The following CDH22 variants were observed in gnomAD, a reference collection of about 807,000 sequenced individuals.
CDH22 encodes the protein cadherin 22.
CDH22 carries 30 observed loss-of-function variants against 58.4 expected under a neutral mutation model. The ratio of observed to expected loss-of-function variants is 0.51; its 90% CI spans 0.38 to 0.70. The LOEUF (loss-of-function observed/expected upper bound fraction) is 0.70. CDH22 is among the 30% of genes least tolerant of loss of function. CDH22 has a pLI of 0.00. For missense variants in CDH22, 1,014 were observed against 1,233.9 expected, an observed-to-expected ratio of 0.82 and a Z score of 2.67; for synonymous variants, 513 against 558.2, an observed-to-expected ratio of 0.92 and a Z score of 1.14.
chr20:46,179,572 T>C (rs559179183), intron 10 of CDH22, among the ~76,000 whole-genome samples: 2 of 152,316 alleles, frequency 1.3e-5, no homozygotes, highest in Admixed American at 1.3e-4. Context: ...GCCGGGAACA[T>C]GAGGGTTCAT....
At chr20:46,221,837 A>G (rs2086128636) in intron 4 of CDH22, among the ~76,000 whole-genome samples, 1 of 152,200 alleles carries the variant, frequency 6.6e-6, no homozygotes, top group Non-Finnish European at 1.5e-5. Flanking sequence ...AGGGGTACAA[A>G]TATTCCAAAA....
intron 1 of CDH22, among the ~76,000 whole-genome samples, chr20:46,297,113 G>T (rs527680184): frequency 1.8e-4 from 28 of 152,298 alleles, no homozygotes; most frequent in African/African-American, 6.7e-4. Flanking sequence ...CTGGCTGATT[G>T]TGCCCCGCGG....
intron 7 of CDH22, among the ~76,000 whole-genome samples, chr20:46,208,268 A>G (rs558879104): frequency 6.6e-6 from 1 of 152,074 alleles, no homozygotes; most frequent in Admixed American, 6.5e-5. Context: ...TCCCTCTTCT[A>G]TCTGAACATC....
rs541793819 is a variant in CDH22 at position 46,218,025 on chromosome 20, G to T, written c.671-1032C>A. 2.6e-5 allele frequency among the ~76,000 whole-genome samples: 4 copies of T among 152,022 alleles called. No individual in the cohort carries two copies. The East Asian group carries it at 7.7e-4, about 29-fold the overall frequency. ...CACTGCAACCTCCTCCCGGGTTCAA[G>T]CAACTCTCCTGCCTCAGCCTCCTGA... On this transcript the variant is annotated intron_variant, in intron 4 of 11. Transcript: ENST00000537909.
At chr20:46,178,837 T>G (rs561862415) in intron 10 of CDH22, among the ~76,000 whole-genome samples, 1 of 151,958 alleles carries the variant, frequency 6.6e-6, no homozygotes, top group African/African-American at 2.4e-5. Flanking sequence ...TGACAAGGAG[T>G]CTCTGCCTAA....
intron 1 of CDH22, among the ~76,000 whole-genome samples, chr20:46,290,470 T>C (rs2086596116): frequency 1.3e-5 from 2 of 152,136 alleles, no homozygotes; most frequent in African/African-American, 4.8e-5. Context: ...AGAGCTGAGG[T>C]TGAGAAACCC....
At position 46,280,573 on chromosome 20, in the gene CDH22, A is replaced by G. The variant is rs551405542; in HGVS notation, c.-400+27682T>C. ...ACAGTCCCATCTGAACCGGCCCTAAAGACCTCAGCCTATGGTCTGGGGGCT... is the reference window on the plus strand; with the variant it reads ...ACAGTCCCATCTGAACCGGCCCTAAGGACCTCAGCCTATGGTCTGGGGGCT... On this transcript the variant is annotated intron_variant, in intron 1 of 11. Transcript: ENST00000537909. Among the ~76,000 whole-genome samples, 10 of 152,312 alleles carry G rather than the reference A, an allele frequency of 6.6e-5. No homozygotes were observed. In the East Asian group the frequency reaches 1.7e-3, roughly 26 times the overall value.
At chr20:46,301,452 G>C (rs903240333) in intron 1 of CDH22, among the ~76,000 whole-genome samples, 12 of 151,912 alleles carry the variant, frequency 7.9e-5, no homozygotes, top group Non-Finnish European at 1.6e-4. Flanking sequence ...TCAGTAGGTT[G>C]TCATGTTTCT....
intron 10 of CDH22, among the ~76,000 whole-genome samples, chr20:46,182,357 T>C (rs1236024300): frequency 6.6e-6 from 1 of 152,160 alleles, no homozygotes; most frequent in Non-Finnish European, 1.5e-5. Context: ...CAGGAGTCGA[T>C]GTGGAAGAAC....
At chr20:46,289,605 AAC>A (rs1314599949) in intron 1 of CDH22, among the ~76,000 whole-genome samples, 1 of 152,260 alleles carries the variant, frequency 6.6e-6, no homozygotes, top group African/African-American at 2.4e-5. Context: ...CCTGGTGTCC[AAC>A]ACAGAGTCTG....
At chr20:46,299,169 C>A (rs1325674165) in intron 1 of CDH22, among the ~76,000 whole-genome samples, 2 of 152,312 alleles carry the variant, frequency 1.3e-5, no homozygotes, top group East Asian at 1.9e-4. Flanking sequence ...TGTCTTTCCT[C>A]CCCTCCATGT....
At position 46,259,666 on chromosome 20, in the gene CDH22, AG is replaced by A. The variant is rs1314496773; in HGVS notation, c.-399-7974del. Among the ~76,000 whole-genome samples the A allele has an allele frequency of 2.6e-5, 4 of 152,278 alleles. No homozygotes were observed. In the East Asian group the frequency reaches 7.7e-4, roughly 29 times the overall value. On this transcript the variant is annotated intron_variant, in intron 1 of 11. Transcript: ENST00000537909. ...GTAACCATGGAGGGCTGCCTGGAGG[AG>A]GGGGGCATTGGAGCTGATCCTTGAA...
At chr20:46,249,517 GAA>G (rs1035287714) in intron 2 of CDH22, among the ~76,000 whole-genome samples, 8 of 152,178 alleles carry the variant, frequency 5.3e-5, no homozygotes, top group African/African-American at 1.9e-4. Flanking sequence ...CTAGACCAGA[GAA>G]AATCTGAGCT....
intron 8 of CDH22, among the ~76,000 whole-genome samples, chr20:46,195,614 A>ACCC (rs113226361): frequency 9.5e-6 from 1 of 105,790 alleles, no homozygotes; most frequent in African/African-American, 3.4e-5. Flanking sequence ...TCTCCCCTAG[A>ACCC]CCCCCCCCCC....
chr20:46,197,186 G>A (rs2085910465), intron 8 of CDH22, among the ~76,000 whole-genome samples: 2 of 152,100 alleles, frequency 1.3e-5, no homozygotes, highest in African/African-American at 4.8e-5. Context: ...TCTTTGGCAA[G>A]CAAGTTTCCA....
chr20:46,305,047 G>C (rs1379218517), intron 1 of CDH22, among the ~76,000 whole-genome samples: 2 of 152,168 alleles, frequency 1.3e-5, no homozygotes, highest in South Asian at 2.1e-4. Flanking sequence ...GCATATAACA[G>C]CCATGCCTCC....
intron 1 of CDH22, among the ~76,000 whole-genome samples, chr20:46,285,869 C>T (rs992116035): frequency 2.2e-4 from 33 of 152,196 alleles, no homozygotes; most frequent in Non-Finnish European, 1.2e-4. Context: ...TTGGGACTCC[C>T]ATGTAGTGGA....
At chr20:46,182,813 G>C (rs556857431) in intron 10 of CDH22, among the ~76,000 whole-genome samples, 1 of 152,338 alleles carries the variant, frequency 6.6e-6, no homozygotes, top group African/African-American at 2.4e-5. Flanking sequence ...TTTGTACAAA[G>C]AAACAGATGG....
rs1257630029 is a variant in CDH22 at position 46,254,554 on chromosome 20, CAAAAAA to C, written c.-399-2867_-399-2862del. Reference sequence around the variant, plus strand: ...TGGGTGACAAAGTGAAATTCCATCTCAAAAAAAAAAAAAAAAAAAAAATTGAAGTCC... The same window carrying C: ...TGGGTGACAAAGTGAAATTCCATCTCAAAAAAAAAAAAAAAATTGAAGTCC... On this transcript the variant is annotated intron_variant, in intron 1 of 11. Coordinates refer to ENST00000537909, the MANE Select transcript of CDH22 (RefSeq NM_021248.3). Among the ~76,000 whole-genome samples the C allele has an allele frequency of 1.4e-4, 9 of 64,140 alleles. No homozygotes were observed. In the South Asian group the frequency reaches 2.8e-3, roughly 20 times the overall value. The allele number at this position is 64,140 out of a possible 152,430, so 42.1% of individuals were successfully genotyped here.
Sources: allele counts gnomAD v4.1 joint callset (sites outside exome capture counted in the v4.1 genomes callset), GRCh38; gene constraint gnomAD v4.1.1; transcripts MANE v1.5; gene names NCBI Gene and HGNC (gene_info 2026-07-23, HGNC 2026-07-21).